The following SGCZ variants were observed in gnomAD, a reference collection of about 807,000 sequenced individuals.
SGCZ encodes zeta-sarcoglycan.
Under a neutral mutation model 41.3 loss-of-function variants are expected in SGCZ, and 40 were observed. That is an observed-to-expected ratio of 0.97 (90% CI 0.75 to 1.26). The LOEUF (loss-of-function observed/expected upper bound fraction) is 1.26, where lower values mean the gene tolerates loss of function less well. Ranked by LOEUF, SGCZ falls within the 50% of genes most tolerant of loss-of-function variation. The pLI is 0.00. For synonymous variants in SGCZ, 206 were observed against 137.5 expected (o/e 1.50, Z -3.49); for missense variants, 552 against 369.8 (o/e 1.49, Z -4.04).
intron 4 of SGCZ, among the ~76,000 whole-genome samples, chr8:14,220,968 C>A (rs1206857169): frequency 6.6e-6 from 1 of 151,146 alleles, no homozygotes; most frequent in African/African-American, 2.4e-5. Context: ...AGTCTTTGGA[C>A]ATGAACTTAG....
intron 1 of SGCZ, among the ~76,000 whole-genome samples, chr8:14,797,027 C>G (rs1425658348): frequency 6.6e-6 from 1 of 152,130 alleles, no homozygotes; most frequent in Non-Finnish European, 1.5e-5. Flanking sequence ...TATAAATTAC[C>G]CAGTCTCAGG....
intron 2 of SGCZ, among the ~76,000 whole-genome samples, chr8:14,436,852 G>T (rs868713423): frequency 3.3e-5 from 5 of 152,252 alleles, no homozygotes; most frequent in South Asian, 2.1e-4. Flanking sequence ...TTCTTTGTTG[G>T]AAAACTGACA....
chr8:14,309,528 G>C (rs1293699403), intron 3 of SGCZ: 1 of 1,610,038 alleles, frequency 6.2e-7, no homozygotes, highest in Admixed American at 1.7e-5. Context: ...ACTACTGAAT[G>C]TGAAAACAAA....
chr8:14,849,589 C>T (rs1243542848), intron 1 of SGCZ, among the ~76,000 whole-genome samples: 1 of 152,072 alleles, frequency 6.6e-6, no homozygotes, highest in Non-Finnish European at 1.5e-5. Flanking sequence ...GAAGAAAATG[C>T]AAACTAATCT....
intron 5 of SGCZ, among the ~76,000 whole-genome samples, chr8:14,110,976 C>T (rs1463757463): frequency 6.6e-6 from 1 of 152,078 alleles, no homozygotes; most frequent in East Asian, 1.9e-4. Context: ...ATAGTTTGAA[C>T]CTGGGAGGCA....
Position 14,902,482 on chromosome 8 carries a change from A to G in SGCZ, c.39+335103T>C, listed in dbSNP as rs144129326. ...TTGCCTGGAAAATCAAGCATCAGAA[A>G]CTATGTGTTTAGGTATATAACCTAA... On this transcript the variant is annotated intron_variant, in intron 1 of 7. Transcript: ENST00000382080. Among the ~76,000 whole-genome samples the G allele has an allele frequency of 5.3e-3, 804 of 152,202 alleles. 5 individuals are homozygous for G. The highest frequency in any genetic ancestry group is 0.018 in the South Asian group (87 of 4,822).
At chr8:14,380,373 T>C (rs1585428674) in intron 2 of SGCZ, among the ~76,000 whole-genome samples, 1 of 152,220 alleles carries the variant, frequency 6.6e-6, no homozygotes, top group Admixed American at 6.5e-5. Flanking sequence ...TTGAATGTCA[T>C]AGATAAACTT....
intron 1 of SGCZ, among the ~76,000 whole-genome samples, chr8:14,945,375 T>G (rs1800408794): frequency 6.6e-6 from 1 of 152,142 alleles, no homozygotes; most frequent in Admixed American, 6.5e-5. Context: ...AGATCTATGG[T>G]AGATACTCAA....
intron 1 of SGCZ, among the ~76,000 whole-genome samples, chr8:15,023,689 G>T (rs1045188838): frequency 1.3e-5 from 2 of 152,132 alleles, no homozygotes; most frequent in Non-Finnish European, 2.9e-5. Context: ...TATCTAAAAA[G>T]TTATCCCATG....
intron 2 of SGCZ, among the ~76,000 whole-genome samples, chr8:14,342,963 G>A (rs1003350810): frequency 3.9e-5 from 6 of 152,128 alleles, no homozygotes; most frequent in Non-Finnish European, 8.8e-5. Context: ...GTGCAGCCTA[G>A]GGATTTGGTG....
intron 1 of SGCZ, among the ~76,000 whole-genome samples, chr8:15,050,383 T>C (rs915438258): frequency 1.3e-5 from 2 of 152,196 alleles, no homozygotes; most frequent in East Asian, 1.9e-4. Context: ...ATGGCACTTA[T>C]GACCTTGGAA....
intron 4 of SGCZ, among the ~76,000 whole-genome samples, chr8:14,178,959 T>A (rs777678192): frequency 2.0e-5 from 3 of 152,218 alleles, no homozygotes; most frequent in Non-Finnish European, 4.4e-5. Flanking sequence ...AAATCAGTTC[T>A]GTGATAGGAG....
Position 14,600,514 on chromosome 8 carries a change from GGA to G in SGCZ, c.40-45590_40-45589del, listed in dbSNP as rs537255059. Among the ~76,000 whole-genome samples, 356 of 152,182 alleles carry G rather than the reference GGA, an allele frequency of 2.3e-3. 1 individual carries two copies. The highest frequency in any genetic ancestry group is 3.9e-3 in the Non-Finnish European group (263 of 68,000). ...ATTAGTTAAGGGCTCTCTCAGTGCG[GGA>G]GAGTCAAACCTCCCAGGCAGTTACG... On this transcript the variant is annotated intron_variant, in intron 1 of 7. Coordinates refer to ENST00000382080, the MANE Select transcript of SGCZ (RefSeq NM_139167.4).
At chr8:14,309,834 T>C (rs1360718688) in intron 3 of SGCZ, among the ~76,000 whole-genome samples, 1 of 152,138 alleles carries the variant, frequency 6.6e-6, no homozygotes, top group Non-Finnish European at 1.5e-5. Context: ...GCCTTTGTCT[T>C]GTACTTCTGT....
Position 14,530,438 on chromosome 8 carries a change from C to T in SGCZ, c.234+24294G>A, listed in dbSNP as rs546411963. 2.0e-5 allele frequency among the ~76,000 whole-genome samples: 3 copies of T among 152,108 alleles called. No individual in the cohort carries two copies. The South Asian group carries it at 6.2e-4, about 32-fold the overall frequency. ...TCATGTTTTTATTTGATAATACTTT[C>T]ATTAGATTGATCAAGTATTTTCTGA... On this transcript the variant is annotated intron_variant, in intron 2 of 7. Coordinates refer to ENST00000382080, the MANE Select transcript of SGCZ (RefSeq NM_139167.4).
intron 2 of SGCZ, among the ~76,000 whole-genome samples, chr8:14,358,845 G>A (rs144527917): frequency 1.2e-3 from 177 of 152,014 alleles, no homozygotes; most frequent in African/African-American, 4.1e-3. Context: ...TCCTGACCTC[G>A]TGATCCACCT....
chr8:14,986,377 T>C (rs563678319), intron 1 of SGCZ, among the ~76,000 whole-genome samples: 1 of 152,196 alleles, frequency 6.6e-6, no homozygotes, highest in South Asian at 2.1e-4. Context: ...AAAACCCAGC[T>C]TTTAAATGGA....
intron 1 of SGCZ, among the ~76,000 whole-genome samples, chr8:14,572,771 C>T (rs1804593756): frequency 7.0e-6 from 1 of 143,042 alleles, no homozygotes; most frequent in Non-Finnish European, 1.6e-5. Context: ...AAAAATGTAA[C>T]ATACTCAACA....
At chr8:14,476,555 T>C (rs1184396645) in intron 2 of SGCZ, among the ~76,000 whole-genome samples, 2 of 150,756 alleles carry the variant, frequency 1.3e-5, no homozygotes, top group Non-Finnish European at 1.5e-5. Context: ...CACATTTCTC[T>C]CTCTAACTCT....
Sources: gnomAD v4.1 joint callset for allele counts (sites outside exome capture counted in the v4.1 genomes callset) on GRCh38, gnomAD v4.1.1 for gene constraint, MANE v1.5 for transcripts, NCBI Gene and HGNC (gene_info 2026-07-23, HGNC 2026-07-21) for gene names.